The following NBPF11 variants were observed in gnomAD, a reference collection of about 807,000 sequenced individuals.
NBPF11 encodes NBPF member 11.
Under a neutral mutation model 93.9 loss-of-function variants are expected in NBPF11, and 72 were observed. The observed-to-expected ratio is 0.77, with a 90% CI of 0.63 to 0.93. The LOEUF is 0.93. NBPF11 is among the 40% of genes least tolerant of loss of function. The pLI, the probability that NBPF11 is intolerant of heterozygous loss-of-function variation, is 0.00. For synonymous variants in NBPF11, 224 were observed against 304.9 expected, an observed-to-expected ratio of 0.73 and a Z score of 2.76; for missense variants, 705 against 802.2, an observed-to-expected ratio of 0.88 and a Z score of 1.46.
In NBPF11 at chr1:148,118,197, G is replaced by A. The variant is rs1381963392; in HGVS notation, c.1092-411C>T. Among the ~76,000 whole-genome samples the A allele has an allele frequency of 8.0e-5, 12 of 149,260 alleles. No homozygotes were observed. The Middle Eastern group carries it at 0.01, about 127-fold the overall frequency. ...TGCAGATAGGGCGAATTGAAAAGAC[G>A]AAAGAAGAAAAGAATGACAGGGTCG... is the stretch of plus-strand genomic sequence containing the variant. On this transcript the variant is annotated intron_variant, in intron 11 of 23. Transcript: ENST00000682118.
At position 148,122,409 on chromosome 1, in the gene NBPF11, C is replaced by A. The variant is rs1302253763; in HGVS notation, c.567-143G>T. On this transcript the variant is annotated intron_variant, in intron 8 of 23. Transcript: ENST00000682118. Reference sequence around the variant, plus strand: ...GAGGTTCCCTTTAAGAGGGAACAGGCAATCCTCTTCTCTCTGCAACAGAGC... The same window carrying A: ...GAGGTTCCCTTTAAGAGGGAACAGGAAATCCTCTTCTCTCTGCAACAGAGC... The A allele has an allele frequency of 1.2e-4, 165 of 1,389,550 alleles. 2 individuals carry two copies. In the African/African-American group the frequency reaches 2.1e-3, roughly 18 times the overall value. The allele number at this position is 1,389,550 out of a possible 1,614,324, so 86.1% of individuals were successfully genotyped here.
At chr1:148,149,300 C>G (rs1234588573) in intron 1 of NBPF11, 10 of 1,596,938 alleles carry the variant, frequency 6.3e-6, no homozygotes, top group Middle Eastern at 2.2e-4. Flanking sequence ...CGTCGCCTTC[C>G]GCGACACCAA....
intron 4 of NBPF11, among the ~76,000 whole-genome samples, chr1:148,131,540 G>T (rs1372907141): frequency 6.9e-6 from 1 of 144,746 alleles, no homozygotes; most frequent in Admixed American, 7.0e-5. Context: ...TTAGATGAAT[G>T]CACACTTCCA....
chr1:148,103,967 G>A (rs1301816557), intron 23 of NBPF11, 55 bp from the exon 24 acceptor site: 17 of 1,609,828 alleles, frequency 1.1e-5, no homozygotes, highest in Non-Finnish European at 1.4e-5. Context: ...ACACCACAGA[G>A]CCCCACTAGA....
At chr1:148,112,104 C>CT (rs1171126687) in intron 15 of NBPF11, among the ~76,000 whole-genome samples, 5,712 of 131,010 alleles carry the variant, frequency 0.044, 1,017 homozygotes, top group African/African-American at 0.17. Flanking sequence ...ATTCAACATT[C>CT]TTTTTTTTCC....
In NBPF11 at chr1:148,122,174, G is replaced by C; in HGVS notation, c.659C>G (p.Ser220Cys). The C allele has an allele frequency of 1.2e-6, 2 of 1,612,766 alleles. No homozygotes were observed. Among genetic ancestry groups the C allele is most frequent in the African/African-American group, 1.3e-5 (1 of 74,780 alleles). ...TCSNSHGPCD[S>C]IQPHKNIKIT... ...TTTGATGTTCTTGTGAGGCTGGATG[G>C]AGTCACAAGGGCCGTGGCTATTTGA... Residue 220 changes from serine (S) to cysteine (C), a missense_variant, in exon 9 of 24, where the codon TCC (serine) becomes TGC (cysteine). This residue lies in a region of NBPF11 where 262 missense variants were observed against 223.1 expected (regional missense o/e 1.17). Coordinates refer to ENST00000682118, the MANE Select transcript of NBPF11 (RefSeq NM_001385469.3).
intron 22 of NBPF11, 147 bp from the exon 23 acceptor site, chr1:148,104,792 G>C (rs1663129837): frequency 1.8e-6 from 1 of 550,656 alleles, no homozygotes; most frequent in Non-Finnish European, 3.2e-6. Context: ...AGGCCTGAAG[G>C]CTGGTCGTGA....
intron 9 of NBPF11, among the ~76,000 whole-genome samples, chr1:148,121,310 C>T (rs1453095690): frequency 2.7e-5 from 4 of 150,610 alleles, no homozygotes; most frequent in Admixed American, 1.3e-4. Flanking sequence ...TCTCAAAGTG[C>T]TGGGATTAAG....
In NBPF11 at chr1:148,105,496, G is replaced by C. The variant is rs1663330277; in HGVS notation, c.2336C>G (p.Pro779Arg). Residue 779 changes from proline to arginine, a missense_variant, in exon 22 of 24, where the codon CCT becomes CGT. Physicochemically the swap from Pro to Arg is moderately radical, Grantham distance 103 (BLOSUM62 -2). Transcript: ENST00000682118. The part of the protein sequence containing the change: ...LSRELLEVVE[P>R]EVLQDSLDVI... ...ATCCAGTGAGTCCTGCAAGACTTCA[G>C]GCTCTACTACCTCCAGCAGCTCCCT... is the stretch of plus-strand genomic sequence containing the variant. 2 of 1,050,000 alleles carry C rather than the reference G, an allele frequency of 1.9e-6. No individual in the cohort carries two copies. Among genetic ancestry groups the C allele is most frequent in the Non-Finnish European group, 2.8e-6 (2 of 706,224 alleles). The allele number at this position is 1,050,000 out of a possible 1,614,324, so 65.0% of individuals were successfully genotyped here. A position where few individuals can be genotyped will look rare whatever the true frequency, so the allele number is the denominator to read the frequency against.
intron 13 of NBPF11, 130 bp from the exon 14 acceptor site, chr1:148,116,128 T>A (rs1174832254): frequency 1.8e-5 from 18 of 1,021,222 alleles, no homozygotes; most frequent in Non-Finnish European, 2.7e-5. Flanking sequence ...ACGTTCCCAT[T>A]AAGAGGGAAC....
At position 148,115,794 on chromosome 1, in the gene NBPF11, T is replaced by C; in HGVS notation, c.1584A>G (p.Pro528=). The C allele has an allele frequency of 1.9e-6, 3 of 1,578,930 alleles. No homozygotes were observed. Among genetic ancestry groups the C allele is most frequent in the South Asian group, 1.1e-5 (1 of 90,296 alleles). ...VEWEDAVHII[P]ENESDDEEEE... is the part of the protein sequence containing the mutation. ...AGACACAAGGAAAACAGAGGCTACC[T>C]GGGATAATGTGTACAGCATCCTCCC... Residue 528 remains proline (P), a splice_region_variant and synonymous_variant, in exon 14 of 24, where the codon CCA becomes CCG. Coordinates refer to ENST00000682118, the MANE Select transcript of NBPF11 (RefSeq NM_001385469.3).
rs1367849857 is a variant in NBPF11, at chr1:148,105,438, G to A, written c.2394C>T (p.Ser798=). ...VIQLLPVVLN[S]LTPASPTEVP... is the part of the protein sequence containing the mutation. Reference sequence around the variant, plus strand: ...CTTCCGTAGGGCTGGCAGGAGTCAGGCTGTTCAAGACAACTGGAAGGAGTT... The same window carrying A: ...CTTCCGTAGGGCTGGCAGGAGTCAGACTGTTCAAGACAACTGGAAGGAGTT... The change falls in exon 22 of 24, where the codon AGC becomes AGT. Residue 798 remains serine, a synonymous_variant. Coordinates refer to ENST00000682118, the MANE Select transcript of NBPF11 (RefSeq NM_001385469.3). The A allele has an allele frequency of 8.2e-6, 9 of 1,100,642 alleles. No individual in the cohort carries two copies. Among genetic ancestry groups the A allele is most frequent in the African/African-American group, 1.9e-5 (1 of 52,778 alleles). The allele number at this position is 1,100,642 out of a possible 1,614,324, so 68.2% of individuals were successfully genotyped here. A position where few individuals can be genotyped will look rare whatever the true frequency, so the allele number is the denominator to read the frequency against.
rs1387308006 is a variant in NBPF11 at position 148,121,302 on chromosome 1, T to C, written c.779-592A>G. Among the ~76,000 whole-genome samples the C allele has an allele frequency of 4.0e-5, 6 of 151,486 alleles. No individual in the cohort carries two copies. In the South Asian group the frequency reaches 6.3e-4, roughly 16 times the overall value. ...CAGGTGTTCCGCCCACCTTGGCCTC[T>C]CAAAGTGCTGGGATTAAGATGTGAG... On this transcript the variant is annotated intron_variant, in intron 9 of 23. Transcript: ENST00000682118.
At chr1:148,104,000 T>C in intron 23 of NBPF11, 88 bp from the exon 24 acceptor site, 2 of 1,607,230 alleles carry the variant, frequency 1.2e-6, no homozygotes, top group African/African-American at 1.4e-5. Context: ...CATAAGGAAG[T>C]GGTTGGAAAA....
At chr1:148,120,756 A>G in intron 9 of NBPF11, 46 bp from the exon 10 acceptor site, 1 of 1,321,758 alleles carries the variant, frequency 7.6e-7, no homozygotes, top group Non-Finnish European at 1.1e-6. Flanking sequence ...AAACTGGTGA[A>G]ATCAAATAGG....
rs1194398447 is a variant in NBPF11, at chr1:148,124,551, C to G, written c.278+348G>C. Among the ~76,000 whole-genome samples the G allele has an allele frequency of 4.6e-5, 7 of 151,326 alleles. No homozygotes were observed. In the East Asian group the frequency reaches 1.4e-3, roughly 29 times the overall value. On this transcript the variant is annotated intron_variant, in intron 6 of 23. Coordinates refer to ENST00000682118, the MANE Select transcript of NBPF11 (RefSeq NM_001385469.3). ...GAAAGAATGAGAAGACGCAGTCAGT[C>G]AGGAGGTGATTCTCACTAAGGGTAA...
intron 8 of NBPF11, 88 bp downstream of exon 8, chr1:148,122,641 G>T: frequency 6.4e-7 from 1 of 1,564,072 alleles, no homozygotes. Flanking sequence ...GCGGGCTTTT[G>T]GCCCATCATA....
At chr1:148,112,399 C>T (rs1396130689) in intron 15 of NBPF11, among the ~76,000 whole-genome samples, 245 of 136,470 alleles carry the variant, frequency 1.8e-3, no homozygotes, top group African/African-American at 5.2e-3. Context: ...TAAGAACATG[C>T]GGTATTTGGT....
chr1:148,129,259 A>G (rs1452482011), intron 4 of NBPF11, among the ~76,000 whole-genome samples: 1 of 147,588 alleles, frequency 6.8e-6, no homozygotes, highest in Middle Eastern at 3.6e-3. Context: ...GTGTATATAT[A>G]TAATACGTGT....
Sources: gnomAD v4.1 joint callset for allele counts (sites outside exome capture counted in the v4.1 genomes callset) on GRCh38, gnomAD v4.1.1 for gene constraint, gnomAD v4.1.1 regional missense constraint, MANE v1.5 for transcripts, NCBI Gene and HGNC (gene_info 2026-07-23, HGNC 2026-07-21) for gene names.